The following ZGRF1 variants were observed in gnomAD, a reference collection of about 807,000 sequenced individuals.
ZGRF1 encodes zinc finger GRF-type containing 1.
ZGRF1 carries 196 observed loss-of-function variants against 203.5 expected under a neutral mutation model. That is an observed-to-expected ratio of 0.96 (90% confidence interval 0.86 to 1.08). The LOEUF (loss-of-function observed/expected upper bound fraction) is 1.08, where lower values mean the gene tolerates loss of function less well. Ranked by LOEUF, ZGRF1 falls within the 50% of genes least tolerant of loss-of-function variation. The pLI is 0.00. For missense variants in ZGRF1, 2,326 were observed against 2,416.3 expected, an observed-to-expected ratio of 0.96 and a Z score of 0.78; for synonymous variants, 809 against 841.3, an observed-to-expected ratio of 0.96 and a Z score of 0.66.
chr4:112,616,702 T>C (rs1288325056), intron 6 of ZGRF1, among the ~76,000 whole-genome samples: 1 of 150,902 alleles, frequency 6.6e-6, no homozygotes, highest in Non-Finnish European at 1.5e-5. Context: ...CTGGGCGTGG[T>C]CGTGGGTGCC....
intron 11 of ZGRF1, among the ~76,000 whole-genome samples, chr4:112,589,389 A>C (rs1035119850): frequency 6.6e-6 from 1 of 152,188 alleles, no homozygotes; most frequent in African/African-American, 2.4e-5. Context: ...ACTTGCAATG[A>C]GTCATTCCTC....
chr4:112,565,814 T>A (rs528038046), intron 16 of ZGRF1, among the ~76,000 whole-genome samples: 146 of 152,232 alleles, frequency 9.6e-4, no homozygotes, highest in Non-Finnish European at 1.6e-3. Context: ...CTCACACCAG[T>A]TAGAATGGCA....
chr4:112,607,822 T>C (rs2149112150), intron 8 of ZGRF1: 1 of 152,398 alleles, frequency 6.6e-6, no homozygotes, highest in African/African-American at 2.4e-5. Context: ...GCACCTGTGG[T>C]CCCAGCTACT....
chr4:112,608,594 T>C (rs1751115860), intron 8 of ZGRF1, among the ~76,000 whole-genome samples: 1 of 152,190 alleles, frequency 6.6e-6, no homozygotes, highest in South Asian at 2.1e-4. Flanking sequence ...CACTCCAGCC[T>C]GGGCGACAAG....
chr4:112,584,000 C>T lies in ZGRF1; in HGVS notation c.4276G>A (p.Glu1426Lys). 1 of 1,606,192 alleles carries T rather than the reference C, an allele frequency of 6.2e-7. No homozygotes were observed. Among genetic ancestry groups the T allele is most frequent in the Non-Finnish European group, 8.5e-7 (1 of 1,177,504 alleles). The change falls in exon 15 of 28, where the codon GAG becomes AAG. Residue 1426 changes from glutamate (E) to lysine (K), a missense_variant. By Grantham distance (56) the Glu-to-Lys change is moderately conservative. Coordinates refer to ENST00000505019, the MANE Select transcript of ZGRF1 (RefSeq NM_018392.5). ...YLRSQKIPLYEECQLLVRKGF... is the reference protein window; with the variant it reads ...YLRSQKIPLYKECQLLVRKGF... Reference sequence around the variant, plus strand: ...TACCTCACCAAAAGCTGGCATTCCTCATAAAGTGGTATCTTTTGACTTCTT... The same window carrying T: ...TACCTCACCAAAAGCTGGCATTCCTTATAAAGTGGTATCTTTTGACTTCTT...
At chr4:112,548,026 T>C (rs1430776186) in intron 23 of ZGRF1, among the ~76,000 whole-genome samples, 1 of 152,060 alleles carries the variant, frequency 6.6e-6, no homozygotes, top group Non-Finnish European at 1.5e-5. Flanking sequence ...ACTGCAGCCT[T>C]GACCTCCTGG....
chr4:112,602,104 G>T (rs1750075423), intron 10 of ZGRF1, among the ~76,000 whole-genome samples: 1 of 152,116 alleles, frequency 6.6e-6, no homozygotes, highest in Non-Finnish European at 1.5e-5. Flanking sequence ...TTGGGAGGCT[G>T]AGGCAGGAGA....
At chr4:112,617,348 T>C in intron 6 of ZGRF1, 92 bp downstream of exon 6, 1 of 909,008 alleles carries the variant, frequency 1.1e-6, no homozygotes. Flanking sequence ...ACTATGTAAT[T>C]CTTTAATGTA....
intron 16 of ZGRF1, among the ~76,000 whole-genome samples, chr4:112,568,288 T>C (rs1310123504): frequency 6.6e-6 from 1 of 152,108 alleles, no homozygotes; most frequent in Non-Finnish European, 1.5e-5. Flanking sequence ...AGGCCCATAA[T>C]GTGCCCAAGA....
At chr4:112,575,851 G>A (rs1745104204) in intron 16 of ZGRF1, among the ~76,000 whole-genome samples, 1 of 152,234 alleles carries the variant, frequency 6.6e-6, no homozygotes, top group Non-Finnish European at 1.5e-5. Context: ...CCCTCTGGGG[G>A]GCAGGACTTA....
Position 112,553,959 on chromosome 4 carries a change from T to C in ZGRF1, c.5222A>G (p.Glu1741Gly). The change falls in exon 22 of 28, where the codon GAA becomes GGA. Residue 1741 changes from glutamate to glycine, a missense_variant. Transcript: ENST00000505019. ...PYSLHAGSEN[E>G]SEQLKELHAL... is the part of the protein sequence containing the mutation. ...ATGTAGTTCTTTTAACTGTTCACTT[T>C]CATTTTCTGAGCCAGCATGCAAGCT... 1 of 1,609,180 alleles carries C rather than the reference T, an allele frequency of 6.2e-7. No homozygotes were observed. Among genetic ancestry groups the C allele is most frequent in the Non-Finnish European group, 8.5e-7 (1 of 1,178,800 alleles).
At chr4:112,576,984 A>G (rs1408454137) in intron 16 of ZGRF1, among the ~76,000 whole-genome samples, 1 of 151,440 alleles carries the variant, frequency 6.6e-6, no homozygotes, top group East Asian at 1.9e-4. Flanking sequence ...CGTCAGATTC[A>G]CCAAAGTTGA....
At chr4:112,543,718 G>T (rs1007605491) in intron 24 of ZGRF1, among the ~76,000 whole-genome samples, 2 of 152,176 alleles carry the variant, frequency 1.3e-5, no homozygotes, top group Non-Finnish European at 2.9e-5. Flanking sequence ...TCTTTGAAGG[G>T]GAGAGAACGA....
Position 112,619,587 on chromosome 4 carries a change from GA to G in ZGRF1, c.454del (p.Ser152LeufsTer18). On this transcript the variant is annotated frameshift_variant, in exon 6 of 28. Coordinates refer to ENST00000505019, the MANE Select transcript of ZGRF1 (RefSeq NM_018392.5). LOFTEE classifies it high-confidence loss of function. ...EAKKTGPTIF[S>X]PFCSMPPLFP... Reference sequence around the variant, plus strand: ...CAAAGGAGGCATGCTGCAGAATGGAGAAAAAATAGTAGGGCCAGTTTTCTTA... The same window carrying G: ...CAAAGGAGGCATGCTGCAGAATGGAGAAAAATAGTAGGGCCAGTTTTCTTA... The G allele has an allele frequency of 6.2e-7, 1 of 1,613,854 alleles. No individual in the cohort carries two copies. The highest frequency in any genetic ancestry group is 8.5e-7 in the Non-Finnish European group (1 of 1,179,878).
At position 112,553,522 on chromosome 4, in the gene ZGRF1, G is replaced by C. The variant is rs185116025; in HGVS notation, c.5346+313C>G. Among the ~76,000 whole-genome samples, 206 of 152,252 alleles carry C rather than the reference G, an allele frequency of 1.4e-3. 9 individuals carry two copies. In the South Asian group the frequency reaches 0.039, roughly 29 times the overall value. ...GAATACAACTAATTTCATTTAACTT[G>C]TAAGGAATCTATTCCCACCTCTATA... On this transcript the variant is annotated intron_variant, in intron 22 of 27. Coordinates refer to ENST00000505019, the MANE Select transcript of ZGRF1 (RefSeq NM_018392.5).
chr4:112,558,800 T>A (rs1374216111), intron 19 of ZGRF1, among the ~76,000 whole-genome samples: 1 of 152,214 alleles, frequency 6.6e-6, no homozygotes, highest in Non-Finnish European at 1.5e-5. Flanking sequence ...TACTTCCACT[T>A]TTAATGAGAC....
chr4:112,592,567 T>C (rs1748362616), intron 10 of ZGRF1, among the ~76,000 whole-genome samples: 1 of 152,200 alleles, frequency 6.6e-6, no homozygotes, highest in African/African-American at 2.4e-5. Flanking sequence ...ATCCCAATTC[T>C]TGATACAAAT....
chr4:112,575,335 A>G (rs1001894919), intron 16 of ZGRF1, among the ~76,000 whole-genome samples: 3 of 152,218 alleles, frequency 2.0e-5, no homozygotes, highest in Admixed American at 6.5e-5. Flanking sequence ...TCCAGTCTAC[A>G]GCTCCCAGCG....
intron 16 of ZGRF1, chr4:112,565,430 CAAAAAA>C: frequency 1.9e-6 from 1 of 514,672 alleles, no homozygotes. Context: ...ATTTCATTCT[CAAAAAA>C]AAAAAAAAAA....
Sources: gnomAD v4.1 joint callset for allele counts (sites outside exome capture counted in the v4.1 genomes callset) on GRCh38, gnomAD v4.1.1 for gene constraint, MANE v1.5 for transcripts, NCBI Gene and HGNC (gene_info 2026-07-23, HGNC 2026-07-21) for gene names.